The following RBFOX1 variants were observed in gnomAD, a reference collection of about 807,000 sequenced individuals.
RBFOX1 encodes the protein RNA binding protein fox-1 homolog 1.
A neutral mutation model predicts 57.7 loss-of-function variants in RBFOX1; 8 were observed. That is an observed-to-expected ratio of 0.14 (90% CI 0.08 to 0.25). RBFOX1 has a LOEUF of 0.25. Among genes scored for constraint, RBFOX1 ranks in the 10% least tolerant of loss-of-function variants. The probability of loss-of-function intolerance (pLI) is 1.00; values close to 1 mark genes in which losing one functional copy is unlikely to be tolerated. For missense variants in RBFOX1, 611 were observed against 548.5 expected (o/e 1.11, Z -1.14); for synonymous variants, 326 against 222.4 (o/e 1.47, Z -4.15).
chr16:6,014,613 G>A (rs1483736165), upstream of RBFOX1, among the ~76,000 whole-genome samples: 3 of 152,116 alleles, frequency 2.0e-5, no homozygotes, highest in Non-Finnish European at 4.4e-5. Context: ...TTCCCCTGTG[G>A]TCCTCAGACT....
At chr16:5,986,596 G>T (rs1423743181) in intron 4 of RBFOX1, among the ~76,000 whole-genome samples, 1 of 152,122 alleles carries the variant, frequency 6.6e-6, no homozygotes, top group Non-Finnish European at 1.5e-5. Flanking sequence ...TATCTAAAAT[G>T]TTGTCATTCC....
At chr16:5,458,401 C>G (rs1003067476) in intron 1 of RBFOX1, among the ~76,000 whole-genome samples, 1 of 151,920 alleles carries the variant, frequency 6.6e-6, no homozygotes, top group African/African-American at 2.4e-5. Flanking sequence ...CATAGCACAG[C>G]GAGAGTTGAT....
intron 1 of RBFOX1, among the ~76,000 whole-genome samples, chr16:5,464,546 A>G (rs1419356633): frequency 6.6e-6 from 1 of 152,236 alleles, no homozygotes; most frequent in Admixed American, 6.5e-5. Flanking sequence ...GGGTCCTTGC[A>G]TCATCTCCTT....
At chr16:6,826,814 T>G (rs2092206557) in intron 3 of RBFOX1, among the ~76,000 whole-genome samples, 1 of 152,194 alleles carries the variant, frequency 6.6e-6, no homozygotes, top group Non-Finnish European at 1.5e-5. Flanking sequence ...AATTTAAACA[T>G]TAATGTAAGA....
chr16:7,113,820 A>T (rs922796612), intron 4 of RBFOX1, among the ~76,000 whole-genome samples: 3 of 152,124 alleles, frequency 2.0e-5, no homozygotes, highest in African/African-American at 7.2e-5. Flanking sequence ...GTGCTGATGG[A>T]CATTAAAGTG....
At position 6,676,156 on chromosome 16, in the gene RBFOX1, A is replaced by G. The variant is rs1347938268; in HGVS notation, c.-16+21506A>G. On this transcript the variant is annotated intron_variant, in intron 3 of 15. Transcript: ENST00000550418. ...CACACACACGCGCACACACACACAC[A>G]CACACACACACACACACACACACAC... is the stretch of plus-strand genomic sequence containing the variant. 6.3e-3 allele frequency among the ~76,000 whole-genome samples: 957 copies of G among 151,068 alleles called. 12 individuals are homozygous for G. Among genetic ancestry groups the G allele is most frequent in the African/African-American group, 0.02 (815 of 41,116 alleles).
chr16:5,248,871 C>G (rs905282391), intron 1 of RBFOX1, among the ~76,000 whole-genome samples: 2 of 151,304 alleles, frequency 1.3e-5, no homozygotes, highest in African/African-American at 4.9e-5. Context: ...ACCTATAATC[C>G]CAGCTACTCG....
At chr16:6,897,350 C>T (rs546124784) in intron 3 of RBFOX1, among the ~76,000 whole-genome samples, 1 of 152,248 alleles carries the variant, frequency 6.6e-6, no homozygotes, top group East Asian at 1.9e-4. Context: ...TTGCAGTGAG[C>T]CGAGGTCGTG....
At chr16:5,872,384 G>A (rs1475217653) in intron 4 of RBFOX1, among the ~76,000 whole-genome samples, 1 of 152,158 alleles carries the variant, frequency 6.6e-6, no homozygotes, top group East Asian at 1.9e-4. Context: ...CCACAAAATG[G>A]GAATGGTGAA....
At chr16:7,581,508 A>C (rs927315984) in intron 6 of RBFOX1, among the ~76,000 whole-genome samples, 4 of 152,134 alleles carry the variant, frequency 2.6e-5, no homozygotes, top group Non-Finnish European at 5.9e-5. Flanking sequence ...GACCGTCCTG[A>C]CACTCTTTCA....
At chr16:7,268,777 T>C (rs997622018) in intron 4 of RBFOX1, among the ~76,000 whole-genome samples, 1 of 152,002 alleles carries the variant, frequency 6.6e-6, no homozygotes, top group Non-Finnish European at 1.5e-5. Context: ...CTCACGCCTG[T>C]AATCACAGCA....
chr16:6,613,040 T>A (rs1033729258), intron 2 of RBFOX1, among the ~76,000 whole-genome samples: 9 of 146,326 alleles, frequency 6.2e-5, no homozygotes, highest in Non-Finnish European at 9.1e-5. Context: ...TGTGTGTGTG[T>A]GTGAGTGTGT....
At chr16:7,513,792 T>C (rs887518463) in intron 4 of RBFOX1, among the ~76,000 whole-genome samples, 11 of 152,194 alleles carry the variant, frequency 7.2e-5, no homozygotes, top group African/African-American at 2.4e-4. Flanking sequence ...GAGGCCATCA[T>C]GAACCTTCTG....
intron 4 of RBFOX1, among the ~76,000 whole-genome samples, chr16:7,116,956 C>G (rs1268167379): frequency 1.3e-5 from 2 of 152,092 alleles, no homozygotes; most frequent in Admixed American, 6.6e-5. Context: ...TGAGAAGAAT[C>G]AGGTAGGGAA....
intron 2 of RBFOX1, chr16:6,577,216 C>G (rs1285931741): frequency 6.6e-6 from 1 of 152,222 alleles, no homozygotes; most frequent in East Asian, 1.9e-4. Flanking sequence ...CATGACTGAA[C>G]TAGCCACTGT....
chr16:7,084,899 C>T (rs910220943), intron 4 of RBFOX1, among the ~76,000 whole-genome samples: 2 of 152,006 alleles, frequency 1.3e-5, no homozygotes, highest in South Asian at 2.1e-4. Context: ...TCCGTTTGTC[C>T]AACCAGCCAT....
intron 1 of RBFOX1, among the ~76,000 whole-genome samples, chr16:5,324,524 A>T (rs1455222637): frequency 6.6e-6 from 1 of 152,188 alleles, no homozygotes; most frequent in African/African-American, 2.4e-5. Flanking sequence ...CTACATTATC[A>T]GTATTCACAA....
intron 1 of RBFOX1, among the ~76,000 whole-genome samples, chr16:6,208,475 A>T (rs2097269825): frequency 6.6e-6 from 1 of 152,110 alleles, no homozygotes; most frequent in South Asian, 2.1e-4. Context: ...GGTAAGCCCA[A>T]AGAGTCCCTG....
chr16:5,313,467 A>C (rs1213068476), intron 1 of RBFOX1, among the ~76,000 whole-genome samples: 1 of 151,830 alleles, frequency 6.6e-6, no homozygotes, highest in Non-Finnish European at 1.5e-5. Context: ...TCTACATATG[A>C]CCTCCTTAAT....
Sources: allele counts gnomAD v4.1 joint callset (sites outside exome capture counted in the v4.1 genomes callset), GRCh38; gene constraint gnomAD v4.1.1; transcripts MANE v1.5; gene names NCBI Gene and HGNC (gene_info 2026-07-23, HGNC 2026-07-21).